TENM2: variants seen among roughly 807,000 people sequenced by gnomAD.
TENM2 encodes teneurin transmembrane protein 2, also known as teneurin-2.
A neutral mutation model predicts 245.2 loss-of-function variants in TENM2; 52 were observed. The observed-to-expected ratio is 0.21, with a 90% CI of 0.17 to 0.27. TENM2 has a LOEUF of 0.27. TENM2 is among the 10% of genes least tolerant of loss of function. The pLI, the probability that TENM2 is intolerant of heterozygous loss-of-function variation, is 1.00. For synonymous variants in TENM2, 1,363 were observed against 1,438.9 expected (o/e 0.95, Z 1.19); for missense variants, 3,046 against 3,666.8 (o/e 0.83, Z 4.37).
chr5:167,629,701 T>G (rs1778737863), intron 2 of TENM2, among the ~76,000 whole-genome samples: 1 of 152,168 alleles, frequency 6.6e-6, no homozygotes, highest in South Asian at 2.1e-4. Context: ...ATACATATGT[T>G]TGGTTTTCTC....
intron 12 of TENM2, among the ~76,000 whole-genome samples, chr5:168,159,424 A>G (rs948928003): frequency 1.3e-5 from 2 of 152,202 alleles, no homozygotes; most frequent in African/African-American, 4.8e-5. Flanking sequence ...GTATAAGCCC[A>G]TTAGCCCAAT....
intron 2 of TENM2, among the ~76,000 whole-genome samples, chr5:167,727,258 C>A (rs1036396926): frequency 6.6e-6 from 1 of 151,758 alleles, no homozygotes; most frequent in Non-Finnish European, 1.5e-5. Context: ...TACAGGTGCC[C>A]GCCACCACGC....
At chr5:167,433,781 C>T (rs184805211) in intron 2 of TENM2, among the ~76,000 whole-genome samples, 10 of 152,080 alleles carry the variant, frequency 6.6e-5, no homozygotes, top group South Asian at 4.1e-4. Flanking sequence ...GAAACATTTT[C>T]GTGTAAAACA....
intron 3 of TENM2, among the ~76,000 whole-genome samples, chr5:167,923,638 T>C (rs1652489558): frequency 6.6e-6 from 1 of 152,152 alleles, no homozygotes; most frequent in Non-Finnish European, 1.5e-5. Flanking sequence ...CCACATGTAT[T>C]AGCTCATTGA....
Position 167,768,213 on chromosome 5 carries a change from C to T in TENM2, c.503-107773C>T, listed in dbSNP as rs1303726587. ...CAAACATGCCTATGTTTGTGTTTTC[C>T]ATTGGTTTTGTTTTCCCTTTCTGGC... is the stretch of plus-strand genomic sequence containing the variant. On this transcript the variant is annotated intron_variant, in intron 2 of 28. Transcript: ENST00000518659. Among the ~76,000 whole-genome samples, 3 of 152,156 alleles carry T rather than the reference C, an allele frequency of 2.0e-5. No individual in the cohort carries two copies. The East Asian group carries it at 5.8e-4, about 29-fold the overall frequency.
chr5:167,503,084 C>T lies in TENM2; in HGVS notation c.502+127611C>T, dbSNP rs570527608. 9.9e-5 allele frequency among the ~76,000 whole-genome samples: 15 copies of T among 152,266 alleles called. No individual in the cohort carries two copies. The South Asian group carries it at 3.1e-3, about 32-fold the overall frequency. ...TCAGGTGATCCACCCGACTCGGCCT[C>T]CTAAAGTGCTGGGATTACGGGCATG... is the stretch of plus-strand genomic sequence containing the variant. On this transcript the variant is annotated intron_variant, in intron 2 of 28. Transcript: ENST00000518659.
intron 19 of TENM2, among the ~76,000 whole-genome samples, chr5:168,205,317 GAA>G (rs74817019): frequency 1.4e-5 from 2 of 141,838 alleles, no homozygotes; most frequent in South Asian, 2.2e-4. Context: ...TTTCTGGCTA[GAA>G]AAAAAAAAAA....
intron 27 of TENM2, among the ~76,000 whole-genome samples, chr5:168,252,810 G>A (rs536760863): frequency 6.7e-6 from 1 of 150,122 alleles, no homozygotes; most frequent in Admixed American, 6.7e-5. Flanking sequence ...TCGCACCATT[G>A]CACTCCAGTC....
intron 13 of TENM2, among the ~76,000 whole-genome samples, chr5:168,172,236 C>T (rs1216664154): frequency 1.3e-5 from 2 of 152,180 alleles, no homozygotes; most frequent in Non-Finnish European, 2.9e-5. Context: ...AACACCAAGG[C>T]TGAGAAATCC....
At chr5:167,543,347 A>C (rs534371109) in intron 2 of TENM2, among the ~76,000 whole-genome samples, 1 of 152,296 alleles carries the variant, frequency 6.6e-6, no homozygotes, top group South Asian at 2.1e-4. Context: ...TCACAAGGAC[A>C]GTTTTAATTC....
chr5:167,583,756 C>T (rs1775275549), intron 2 of TENM2, among the ~76,000 whole-genome samples: 1 of 152,176 alleles, frequency 6.6e-6, no homozygotes, highest in Non-Finnish European at 1.5e-5. Flanking sequence ...TACAGCATCT[C>T]CCCTGCCTCT....
At chr5:166,995,008 T>G in the TENM2 span, among the ~76,000 whole-genome samples, 1 of 152,128 alleles carries the variant, frequency 6.6e-6, no homozygotes, top group Non-Finnish European at 1.5e-5. Context: ...ATAACGACAT[T>G]TTTCATTTAT....
intron 15 of TENM2, 105 bp downstream of exon 17, chr5:168,195,400 G>A: frequency 7.6e-7 from 1 of 1,323,956 alleles, no homozygotes; most frequent in Admixed American, 2.1e-5. Context: ...TGGTGGACTG[G>A]AATGTCCACC....
At chr5:167,583,473 T>TACGCAC (rs1554085392) in intron 2 of TENM2, among the ~76,000 whole-genome samples, 1 of 137,460 alleles carries the variant, frequency 7.3e-6, no homozygotes, top group Non-Finnish European at 1.5e-5. Context: ...TGAGTATATG[T>TACGCAC]ACACACACAC....
chr5:167,048,679 C>G, the TENM2 span, among the ~76,000 whole-genome samples: 1 of 152,280 alleles, frequency 6.6e-6, no homozygotes, highest in Non-Finnish European at 1.5e-5. Context: ...TCTCATTACT[C>G]TACACAATGA....
At chr5:167,075,803 A>T in the TENM2 span, among the ~76,000 whole-genome samples, 1 of 152,182 alleles carries the variant, frequency 6.6e-6, no homozygotes, top group African/African-American at 2.4e-5. Flanking sequence ...ACTGCCTGGC[A>T]TTACATTTCA....
At chr5:167,665,446 A>G (rs1438250754) in intron 2 of TENM2, among the ~76,000 whole-genome samples, 1 of 152,154 alleles carries the variant, frequency 6.6e-6, no homozygotes, top group African/African-American at 2.4e-5. Context: ...GAGACCAAAA[A>G]AAAAATGAAT....
At chr5:167,486,326 CTTT>C (rs546349438) in intron 2 of TENM2, among the ~76,000 whole-genome samples, 2 of 140,590 alleles carry the variant, frequency 1.4e-5, no homozygotes, top group African/African-American at 5.2e-5. Context: ...TTTTTCTTTT[CTTT>C]TTTTTTTTTT....
At chr5:168,098,104 T>C (rs1327215870) in exon 9 of TENM2, 1 of 1,613,418 alleles carries the variant, frequency 6.2e-7, no homozygotes, top group East Asian at 2.2e-5. Flanking sequence ...TTCCCAGGAT[T>C]TCTAGGAGCA....
Sources: gnomAD v4.1 joint callset for allele counts (sites outside exome capture counted in the v4.1 genomes callset) on GRCh38, gnomAD v4.1.1 for gene constraint, MANE v1.5 for transcripts, NCBI Gene and HGNC (gene_info 2026-07-23, HGNC 2026-07-21) for gene names.